Variants in LDAH observed in about 807,000 individuals in gnomAD.
The protein encoded by LDAH is lipid droplet-associated hydrolase.
LDAH carries 26 observed loss-of-function variants against 29.6 expected under a neutral mutation model. The ratio of observed to expected loss-of-function variants is 0.88; its 90% confidence interval spans 0.64 to 1.22. The LOEUF is 1.22. Ranked by LOEUF, LDAH falls within the 50% of genes most tolerant of loss-of-function variation. LDAH has a pLI of 0.00. For synonymous variants in LDAH, 117 were observed against 133.0 expected (o/e 0.88, Z 0.83); for missense variants, 344 against 387.3 (o/e 0.89, Z 0.94).
intron 1 of LDAH, among the ~76,000 whole-genome samples, chr2:20,809,387 G>C (rs911995369): frequency 6.6e-6 from 1 of 152,072 alleles, no homozygotes; most frequent in South Asian, 2.1e-4. Context: ...AGCAGAGTGA[G>C]AGTTCATCTC....
At chr2:20,691,426 C>T (rs1467834551) in intron 6 of LDAH, among the ~76,000 whole-genome samples, 1 of 152,178 alleles carries the variant, frequency 6.6e-6, no homozygotes, top group Admixed American at 6.5e-5. Flanking sequence ...ATCCACCCAC[C>T]TCACCCTCAC....
intron 1 of LDAH, among the ~76,000 whole-genome samples, chr2:20,806,586 T>C (rs1672080391): frequency 6.6e-6 from 1 of 152,092 alleles, no homozygotes; most frequent in Non-Finnish European, 1.5e-5. Flanking sequence ...ACATCCCAAA[T>C]AATCTTCCAT....
intron 1 of LDAH, among the ~76,000 whole-genome samples, chr2:20,805,105 T>C (rs1213072688): frequency 6.6e-6 from 1 of 152,210 alleles, no homozygotes; most frequent in Non-Finnish European, 1.5e-5. Context: ...ACTATAAAGT[T>C]GTTAAATATA....
chr2:20,727,172 T>C (rs559881669), intron 5 of LDAH, among the ~76,000 whole-genome samples: 150 of 152,210 alleles, frequency 9.9e-4, no homozygotes, highest in African/African-American at 3.4e-3. Context: ...AGGCCTGGAG[T>C]TTGAGACTAG....
chr2:20,731,983 A>G (rs1391693417), intron 5 of LDAH, among the ~76,000 whole-genome samples: 1 of 151,898 alleles, frequency 6.6e-6, no homozygotes, highest in Non-Finnish European at 1.5e-5. Flanking sequence ...TCTGATCTGT[A>G]TATCTTTTAT....
intron 4 of LDAH, among the ~76,000 whole-genome samples, chr2:20,755,428 T>A (rs1045732531): frequency 2.0e-5 from 3 of 152,234 alleles, no homozygotes; most frequent in Admixed American, 2.0e-4. Context: ...TACTCATTTT[T>A]ATGCTTATTA....
In LDAH at chr2:20,685,183, T is replaced by A; in HGVS notation, c.*1720A>T. 1 of 488,800 alleles carries A rather than the reference T, an allele frequency of 2.0e-6. No homozygotes were observed. Among genetic ancestry groups the A allele is most frequent in the Non-Finnish European group, 3.5e-6 (1 of 284,056 alleles). The allele number at this position is 488,800 out of a possible 1,614,324, so 30.3% of individuals were successfully genotyped here. A position where few individuals can be genotyped will look rare whatever the true frequency, so the allele number is the denominator to read the frequency against. ...ACACAATTTCATACGTGCAGACTTT[T>A]GAAATATGGAGTAACATTTAAAATA... On this transcript the variant is annotated 3_prime_UTR_variant, in exon 7 of 7. Transcript: ENST00000237822.
At chr2:20,692,967 C>A (rs986839778) in intron 6 of LDAH, among the ~76,000 whole-genome samples, 3 of 152,116 alleles carry the variant, frequency 2.0e-5, no homozygotes, top group African/African-American at 4.8e-5. Context: ...CCTTATGCAG[C>A]CAAGAAGAGC....
intron 5 of LDAH, among the ~76,000 whole-genome samples, chr2:20,733,018 G>C (rs1461157421): frequency 2.6e-5 from 4 of 151,648 alleles, no homozygotes; most frequent in African/African-American, 9.7e-5. Context: ...TTCTATTCTT[G>C]TTATTTCTTT....
At chr2:20,770,288 ACT>A (rs1274292440) in intron 4 of LDAH, among the ~76,000 whole-genome samples, 1 of 152,116 alleles carries the variant, frequency 6.6e-6, no homozygotes, top group African/African-American at 2.4e-5. Context: ...GACAAAGGAA[ACT>A]CTGTGTTATT....
rs537666748 is a variant in LDAH, at chr2:20,684,188, A to G, written c.*2715T>C. ...ATACCTCAGTGTCTCCAGTACAAAC[A>G]AGGACACTCTCTTACTTCTTCCCAG... On this transcript the variant is annotated 3_prime_UTR_variant, in exon 7 of 7. Coordinates refer to ENST00000237822, the MANE Select transcript of LDAH (RefSeq NM_021925.4). The G allele has an allele frequency of 6.6e-6, 1 of 152,230 alleles. No individual in the cohort carries two copies. Among genetic ancestry groups the G allele is most frequent in the South Asian group, 2.1e-4 (1 of 4,824 alleles). The allele number at this position is 152,230 out of a possible 1,614,324, so 9.4% of individuals were successfully genotyped here. A position where few individuals can be genotyped will look rare whatever the true frequency, so the allele number is the denominator to read the frequency against.
intron 5 of LDAH, among the ~76,000 whole-genome samples, chr2:20,702,110 G>A (rs966018000): frequency 1.3e-5 from 2 of 151,158 alleles, no homozygotes; most frequent in Non-Finnish European, 2.9e-5. Flanking sequence ...TTAAAAATAC[G>A]TTTAAAGTTC....
chr2:20,775,015 A>T, intron 3 of LDAH, 36 bp from the exon 4 acceptor site: 1 of 1,522,870 alleles, frequency 6.6e-7, no homozygotes, highest in Non-Finnish European at 8.9e-7. Context: ...TTCATTAAGT[A>T]AAAGTAATCA....
chr2:20,738,516 C>T (rs1295474462), intron 5 of LDAH, among the ~76,000 whole-genome samples: 1 of 151,992 alleles, frequency 6.6e-6, no homozygotes, highest in Non-Finnish European at 1.5e-5. Flanking sequence ...ACCCTGAATT[C>T]TTTCTTGCGC....
chr2:20,714,557 C>T (rs936267323), intron 5 of LDAH, among the ~76,000 whole-genome samples: 3 of 152,080 alleles, frequency 2.0e-5, no homozygotes, highest in African/African-American at 7.2e-5. Flanking sequence ...GAGGTAGAGA[C>T]ACAAAAAACC....
At position 20,768,549 on chromosome 2, in the gene LDAH, A is replaced by G. The variant is rs375681893; in HGVS notation, c.468+6261T>C. Among the ~76,000 whole-genome samples, 52 of 151,974 alleles carry G rather than the reference A, an allele frequency of 3.4e-4. No homozygotes were observed. In the East Asian group the frequency reaches 6.6e-3, roughly 19 times the overall value. On this transcript the variant is annotated intron_variant, in intron 4 of 6. Coordinates refer to ENST00000237822, the MANE Select transcript of LDAH (RefSeq NM_021925.4). ...CACACCCCTCATCACTCCACGCCTG[A>G]CTCTAGTCTCCCTTGGAGGCATAGG...
At position 20,790,840 on chromosome 2, in the gene LDAH, T is replaced by C. The variant is rs143177008; in HGVS notation, c.155-442A>G. 3.2e-3 allele frequency among the ~76,000 whole-genome samples: 487 copies of C among 152,308 alleles called. 5 individuals carry two copies. The highest frequency in any genetic ancestry group is 0.011 in the African/African-American group (462 of 41,570). ...GGAAACAAACGTCTACAAGTACATG[T>C]AGATTTTTCTTATGTGTGTACAGAA... On this transcript the variant is annotated intron_variant, in intron 2 of 6. Coordinates refer to ENST00000237822, the MANE Select transcript of LDAH (RefSeq NM_021925.4).
intron 5 of LDAH, among the ~76,000 whole-genome samples, chr2:20,713,026 G>A (rs1028104396): frequency 6.6e-6 from 1 of 152,096 alleles, no homozygotes; most frequent in African/African-American, 2.4e-5. Context: ...TCAAATTCCG[G>A]AAATACAGAG....
At chr2:20,755,074 T>C (rs1668238470) in intron 4 of LDAH, among the ~76,000 whole-genome samples, 2 of 151,976 alleles carry the variant, frequency 1.3e-5, no homozygotes, top group African/African-American at 4.8e-5. Flanking sequence ...TAAGGGGCAA[T>C]AATATATTCA....
Sources: allele counts gnomAD v4.1 joint callset (sites outside exome capture counted in the v4.1 genomes callset), GRCh38; gene constraint gnomAD v4.1.1; transcripts MANE v1.5; gene names NCBI Gene and HGNC (gene_info 2026-07-23, HGNC 2026-07-21).